PACSIN2: variants seen among roughly 807,000 people sequenced by gnomAD.
PACSIN2 encodes protein kinase C and casein kinase substrate in neurons protein 2.
Under a neutral mutation model 63.8 loss-of-function variants are expected in PACSIN2, and 25 were observed. That is an observed-to-expected ratio of 0.39 (90% confidence interval 0.29 to 0.55). The LOEUF (loss-of-function observed/expected upper bound fraction) is 0.55, where lower values mean the gene tolerates loss of function less well. PACSIN2 is among the 20% of genes least tolerant of loss of function. The probability of loss-of-function intolerance (pLI) is 0.62; values close to 1 mark genes in which losing one functional copy is unlikely to be tolerated. For synonymous variants in PACSIN2, 255 were observed against 256.2 expected, an observed-to-expected ratio of 1.00 and a Z score of 0.05; for missense variants, 518 against 646.9, an observed-to-expected ratio of 0.80 and a Z score of 2.16.
At chr22:42,882,137 AG>A in intron 7 of PACSIN2, 46 bp downstream of exon 7, 1 of 1,606,262 alleles carries the variant, frequency 6.2e-7, no homozygotes, top group South Asian at 1.1e-5. Context: ...CTGTGGGCCC[AG>A]GTCCTCTTCC....
At chr22:42,887,061 G>A (rs1569222514) in intron 5 of PACSIN2, among the ~76,000 whole-genome samples, 1 of 152,216 alleles carries the variant, frequency 6.6e-6, no homozygotes, top group Non-Finnish European at 1.5e-5. Context: ...TCTGGCAAAG[G>A]CCCGAGAGTT....
chr22:42,924,044 T>TAA (rs770285503), intron 1 of PACSIN2, among the ~76,000 whole-genome samples: 4 of 136,166 alleles, frequency 2.9e-5, no homozygotes, highest in Admixed American at 7.3e-5. Context: ...CTGGTCTCTT[T>TAA]AAAAAAAAAA....
chr22:42,916,646 T>C (rs1931829629), intron 1 of PACSIN2, among the ~76,000 whole-genome samples: 2 of 152,086 alleles, frequency 1.3e-5, no homozygotes, highest in Admixed American at 1.3e-4. Flanking sequence ...TTGCACACCT[T>C]GCAGTCCGCT....
intron 1 of PACSIN2, among the ~76,000 whole-genome samples, chr22:42,986,236 G>A (rs1922601619): frequency 6.6e-6 from 1 of 152,178 alleles, no homozygotes; most frequent in Non-Finnish European, 1.5e-5. Flanking sequence ...AACAGAAAAG[G>A]AAAAGCAATT....
chr22:42,947,205 G>A (rs1369751359), intron 1 of PACSIN2, among the ~76,000 whole-genome samples: 1 of 152,190 alleles, frequency 6.6e-6, no homozygotes, highest in Non-Finnish European at 1.5e-5. Flanking sequence ...TCAGAAAATA[G>A]GGGCATTCAC....
intron 1 of PACSIN2, among the ~76,000 whole-genome samples, chr22:42,933,629 G>A (rs1179799258): frequency 6.6e-6 from 1 of 152,148 alleles, no homozygotes; most frequent in Admixed American, 6.5e-5. Flanking sequence ...AAGGGGAAGT[G>A]GCTCCACACA....
intron 1 of PACSIN2, among the ~76,000 whole-genome samples, chr22:42,950,687 C>A (rs546881444): frequency 6.6e-6 from 1 of 152,224 alleles, no homozygotes; most frequent in East Asian, 1.9e-4. Context: ...AACACTTGGG[C>A]TTTATCTAAA....
intron 1 of PACSIN2, among the ~76,000 whole-genome samples, chr22:42,977,650 T>C (rs938582449): frequency 6.6e-6 from 1 of 152,216 alleles, no homozygotes; most frequent in African/African-American, 2.4e-5. Context: ...CAAATTGTAA[T>C]CCCTGTGTGG....
At chr22:43,012,150 AATAAATACATACATACATAC>A (rs1924532525) in intron 1 of PACSIN2, among the ~76,000 whole-genome samples, 1 of 132,226 alleles carries the variant, frequency 7.6e-6, no homozygotes, top group South Asian at 2.4e-4. Context: ...TCTCAAAATA[AATAAATACATACATACATAC>A]ATACATACAT....
At chr22:43,011,060 C>T (rs1230685515) in intron 1 of PACSIN2, among the ~76,000 whole-genome samples, 1 of 152,192 alleles carries the variant, frequency 6.6e-6, no homozygotes, top group African/African-American at 2.4e-5. Context: ...CATCTGAACA[C>T]TAAAATTCTG....
At chr22:42,933,038 G>A (rs1223180318) in intron 1 of PACSIN2, among the ~76,000 whole-genome samples, 1 of 152,194 alleles carries the variant, frequency 6.6e-6, no homozygotes, top group Non-Finnish European at 1.5e-5. Context: ...CATTGAATCA[G>A]CATTTATATT....
rs1322605656 is a variant in PACSIN2 at position 42,893,483 on chromosome 22, C to T, written c.191G>A (p.Arg64Gln). ...TTTCTCCACGAGCTGCCTCCAGCGC[C>T]GGGCCCACTCAGTGAGCTGCTGCGC... ...AYAQQLTEWA[R>Q]RWRQLVEKGP... The change falls in exon 3 of 11, where the codon CGG becomes CAG. Residue 64 changes from arginine to glutamine, a missense_variant. Physicochemically the swap from Arg to Gln is conservative, Grantham distance 43 (BLOSUM62 1). Coordinates refer to ENST00000263246, the MANE Select transcript of PACSIN2 (RefSeq NM_001184970.3). 10 of 1,613,654 alleles carry T rather than the reference C, an allele frequency of 6.2e-6. No homozygotes were observed. Among genetic ancestry groups the T allele is most frequent in the African/African-American group, 4.0e-5 (3 of 74,952 alleles).
rs1459456074 is a variant in PACSIN2 at position 42,888,688 on chromosome 22, C to A, written c.564G>T (p.Lys188Asn). 6.2e-7 allele frequency: 1 copy of A among 1,614,200 alleles called. No individual in the cohort carries two copies. The highest frequency in any genetic ancestry group is 1.1e-5 in the South Asian group (1 of 91,086). ...ACTTTTCTATTTTGTCTTGCAATTTCTTGAGCTGTTCAGGGTTGAGGGATG... is the reference window on the plus strand; with the variant it reads ...ACTTTTCTATTTTGTCTTGCAATTTATTGAGCTGTTCAGGGTTGAGGGATG... ...ADPSLNPEQLKKLQDKIEKCK... is the reference protein window; with the variant it reads ...ADPSLNPEQLNKLQDKIEKCK... Residue 188 changes from lysine (K) to asparagine (N), a missense_variant, in exon 5 of 11, where the codon AAG (lysine) becomes AAT (asparagine). Transcript: ENST00000263246.
chr22:42,886,857 G>A (rs993035553), intron 5 of PACSIN2, among the ~76,000 whole-genome samples: 13 of 152,070 alleles, frequency 8.5e-5, no homozygotes, highest in African/African-American at 2.9e-4. Flanking sequence ...CCTGCCAGGC[G>A]CTTATGTCCA....
chr22:42,972,809 G>A (rs1432519205), intron 1 of PACSIN2, among the ~76,000 whole-genome samples: 1 of 151,952 alleles, frequency 6.6e-6, no homozygotes, highest in African/African-American at 2.4e-5. Context: ...CCATGTTCCC[G>A]CCTCAGCCTC....
intron 9 of PACSIN2, 35 bp from the exon 10 acceptor site, chr22:42,876,368 C>T: frequency 6.3e-7 from 1 of 1,588,322 alleles, no homozygotes; most frequent in Non-Finnish European, 8.6e-7. Flanking sequence ...GCCCTCAGCA[C>T]AGGGCGGCAG....
chr22:42,987,786 C>T (rs540869120), intron 1 of PACSIN2, among the ~76,000 whole-genome samples: 65 of 152,058 alleles, frequency 4.3e-4, no homozygotes, highest in Non-Finnish European at 7.1e-4. Flanking sequence ...TACCCACCTC[C>T]GCCTCCCAAA....
At position 42,871,550 on chromosome 22, in the gene PACSIN2, G is replaced by T; in HGVS notation, c.1349-81C>A. The T allele has an allele frequency of 9.0e-7, 1 of 1,112,130 alleles. No homozygotes were observed. Among genetic ancestry groups the T allele is most frequent in the Non-Finnish European group, 1.4e-6 (1 of 725,932 alleles). The allele number at this position is 1,112,130 out of a possible 1,614,324, so 68.9% of individuals were successfully genotyped here. A position where few individuals can be genotyped will look rare whatever the true frequency, so the allele number is the denominator to read the frequency against. On this transcript the variant is annotated intron_variant, in intron 10 of 10. Transcript: ENST00000263246. This position sits in a 1 kb window ranked among gnomAD's most constrained non-coding sequence, Gnocchi z 5.4. ...ACAGAGCCGCATTCACGAGCTTTGA[G>T]CCCACAGAGGGTGGAGGGCCAGGCA...
chr22:42,926,788 C>A (rs896381086), intron 1 of PACSIN2, among the ~76,000 whole-genome samples: 3 of 151,626 alleles, frequency 2.0e-5, no homozygotes, highest in Admixed American at 1.3e-4. Flanking sequence ...GCTATGATCA[C>A]GCCTGTGAAT....
Sources: allele counts gnomAD v4.1 joint callset (sites outside exome capture counted in the v4.1 genomes callset), GRCh38; gene constraint gnomAD v4.1.1; non-coding constraint Gnocchi (gnomAD v3.1); transcripts MANE v1.5; gene names NCBI Gene and HGNC (gene_info 2026-07-23, HGNC 2026-07-21).